PRKN: variants seen among roughly 807,000 people sequenced by gnomAD.
The protein encoded by PRKN is parkin RBR E3 ubiquitin protein ligase, also known as E3 ubiquitin-protein ligase parkin.
Under a neutral mutation model 59.5 loss-of-function variants are expected in PRKN, and 56 were observed. That is an observed-to-expected ratio of 0.94 (90% CI 0.76 to 1.18). The LOEUF (loss-of-function observed/expected upper bound fraction) is 1.18. Ranked by LOEUF, PRKN falls within the 50% of genes most tolerant of loss-of-function variation. PRKN has a pLI of 0.00. For missense variants in PRKN, 657 were observed against 596.4 expected (o/e 1.10, Z -1.06); for synonymous variants, 250 against 222.1 (o/e 1.13, Z -1.12).
chr6:162,195,678 TA>T (rs1188411682), intron 4 of PRKN, among the ~76,000 whole-genome samples: 1 of 151,982 alleles, frequency 6.6e-6, no homozygotes, highest in Non-Finnish European at 1.5e-5. Context: ...TGAGATAAAG[TA>T]ATTACGGTGA....
intron 2 of PRKN, among the ~76,000 whole-genome samples, chr6:162,356,013 T>C (rs879313606): frequency 1.1e-4 from 17 of 152,270 alleles, no homozygotes; most frequent in Admixed American, 1.1e-3. Context: ...ACAGGAGTCT[T>C]GTTGGTCCTC....
intron 6 of PRKN, among the ~76,000 whole-genome samples, chr6:161,829,287 T>C (rs1792378494): frequency 6.6e-6 from 1 of 152,132 alleles, no homozygotes; most frequent in African/African-American, 2.4e-5. Flanking sequence ...TAAGAAGCCC[T>C]GGAAAGTGCA....
chr6:162,285,685 G>A (rs932059279), intron 2 of PRKN, among the ~76,000 whole-genome samples: 11 of 152,130 alleles, frequency 7.2e-5, no homozygotes, highest in Non-Finnish European at 1.5e-5. Context: ...AGCAGAGACA[G>A]CTGGCACCTC....
intron 2 of PRKN, among the ~76,000 whole-genome samples, chr6:162,405,559 A>T (rs549869124): frequency 5.3e-5 from 8 of 152,288 alleles, no homozygotes; most frequent in African/African-American, 1.9e-4. Context: ...CAACATTTAC[A>T]TGCTAAAGCT....
In PRKN at chr6:162,262,751, A is replaced by G; in HGVS notation, c.186T>C (p.Asp62=). 1 of 1,584,822 alleles carries G rather than the reference A, an allele frequency of 6.3e-7. No homozygotes were observed. Among genetic ancestry groups the G allele is most frequent in the Non-Finnish European group, 8.6e-7 (1 of 1,159,098 alleles). The change falls in exon 3 of 12, where the codon GAT becomes GAC. Residue 62 remains aspartate, a synonymous_variant. Coordinates refer to ENST00000366898, the MANE Select transcript of PRKN (RefSeq NM_004562.3). ...NDWTVQNCDL[D]QQSIVHIVQR... is the part of the protein sequence containing the mutation. ...GCACAATGTGAACAATGCTCTGCTGATCCAGGTCACAATTCTGTTTGGGAG... is the reference window on the plus strand; with the variant it reads ...GCACAATGTGAACAATGCTCTGCTGGTCCAGGTCACAATTCTGTTTGGGAG...
chr6:161,608,552 A>T (rs913009283), intron 7 of PRKN, among the ~76,000 whole-genome samples: 1 of 150,638 alleles, frequency 6.6e-6, no homozygotes, highest in East Asian at 2.0e-4. Context: ...TTTTTTTTTT[A>T]GACAGAGTCT....
intron 9 of PRKN, among the ~76,000 whole-genome samples, chr6:161,406,532 T>G (rs1787285120): frequency 6.6e-6 from 1 of 152,182 alleles, no homozygotes; most frequent in Non-Finnish European, 1.5e-5. Flanking sequence ...AAGTTCTGCT[T>G]TATAATATCA....
At chr6:161,653,447 C>G (rs1784223527) in intron 7 of PRKN, among the ~76,000 whole-genome samples, 1 of 152,166 alleles carries the variant, frequency 6.6e-6, no homozygotes, top group Non-Finnish European at 1.5e-5. Flanking sequence ...TGGCTGGGTA[C>G]TCATGGCATG....
chr6:162,726,515 A>G (rs1445437893), intron 1 of PRKN, among the ~76,000 whole-genome samples: 1 of 152,232 alleles, frequency 6.6e-6, no homozygotes, highest in Admixed American at 6.5e-5. Context: ...GTTGGACAAC[A>G]TTCTTGTTTT....
intron 4 of PRKN, among the ~76,000 whole-genome samples, chr6:162,184,757 TA>T (rs1443901585): frequency 6.6e-6 from 1 of 152,174 alleles, no homozygotes; most frequent in Non-Finnish European, 1.5e-5. Context: ...CCACTGAAGT[TA>T]AAGATGCACA....
intron 1 of PRKN, among the ~76,000 whole-genome samples, chr6:162,570,649 T>A (rs886732378): frequency 6.6e-6 from 1 of 151,742 alleles, no homozygotes; most frequent in Non-Finnish European, 1.5e-5. Context: ...TAAAAAAGAG[T>A]GAGAGCCAGT....
intron 9 of PRKN, among the ~76,000 whole-genome samples, chr6:161,494,660 G>A (rs986826488): frequency 6.6e-6 from 1 of 152,176 alleles, no homozygotes; most frequent in Non-Finnish European, 1.5e-5. Flanking sequence ...CTGTGTGAGA[G>A]CTTTACACAC....
Position 161,462,382 on chromosome 6 carries a change from T to G in PRKN, c.1084-75505A>C, listed in dbSNP as rs1790262734. On this transcript the variant is annotated intron_variant, in intron 9 of 11. Coordinates refer to ENST00000366898, the MANE Select transcript of PRKN (RefSeq NM_004562.3). This position sits in a 1 kb window ranked among gnomAD's most constrained non-coding sequence, Gnocchi z 4.5. ...CGAAATACCACAGGGAGAGGTATTT[T>G]AGGAGCTGATTTGGTATTCAGTTAA... Among the ~76,000 whole-genome samples the G allele has an allele frequency of 6.6e-6, 1 of 152,200 alleles. No homozygotes were observed. The highest frequency in any genetic ancestry group is 2.4e-5 in the African/African-American group (1 of 41,454).
intron 7 of PRKN, among the ~76,000 whole-genome samples, chr6:161,644,407 T>A (rs1783850133): frequency 6.6e-6 from 1 of 152,310 alleles, no homozygotes; most frequent in South Asian, 2.1e-4. Context: ...TTAAGGATAG[T>A]CTTTGAAGGT....
At chr6:162,401,414 G>A (rs1226699521) in intron 2 of PRKN, among the ~76,000 whole-genome samples, 1 of 151,936 alleles carries the variant, frequency 6.6e-6, no homozygotes. Flanking sequence ...ATTTAACTAT[G>A]GCATATCATA....
intron 7 of PRKN, among the ~76,000 whole-genome samples, chr6:161,736,040 C>T (rs1787952082): frequency 6.6e-6 from 1 of 152,202 alleles, no homozygotes; most frequent in Non-Finnish European, 1.5e-5. Flanking sequence ...TAACACAGCA[C>T]ATCCTTCCCT....
chr6:162,674,521 C>T (rs1041615030), intron 1 of PRKN, among the ~76,000 whole-genome samples: 1 of 152,140 alleles, frequency 6.6e-6, no homozygotes, highest in South Asian at 2.1e-4. Flanking sequence ...GAAACTGAGG[C>T]ATGGGAGGAC....
intron 5 of PRKN, among the ~76,000 whole-genome samples, chr6:161,984,807 T>C (rs978438290): frequency 1.3e-5 from 2 of 152,194 alleles, no homozygotes; most frequent in Non-Finnish European, 2.9e-5. Flanking sequence ...GAAGGGTCCC[T>C]GACTCCAAAC....
At chr6:162,094,502 G>T (rs1331232794) in intron 4 of PRKN, among the ~76,000 whole-genome samples, 5 of 152,050 alleles carry the variant, frequency 3.3e-5, no homozygotes, top group Non-Finnish European at 7.4e-5. Flanking sequence ...AACAAATAAA[G>T]TAATTAATTA....
Sources: allele counts gnomAD v4.1 joint callset (sites outside exome capture counted in the v4.1 genomes callset), GRCh38; gene constraint gnomAD v4.1.1; non-coding constraint Gnocchi (gnomAD v3.1); transcripts MANE v1.5; gene names NCBI Gene and HGNC (gene_info 2026-07-23, HGNC 2026-07-21).